Variants in COL8A1 observed in about 807,000 individuals in gnomAD.
COL8A1 encodes the protein collagen type VIII alpha 1 chain.
A neutral mutation model predicts 42.7 loss-of-function variants in COL8A1; 21 were observed. That is an observed-to-expected ratio of 0.49 (90% CI 0.35 to 0.71). COL8A1 has a LOEUF of 0.71. COL8A1 is among the 30% of genes least tolerant of loss of function. The pLI is 0.01. For missense variants in COL8A1, 788 were observed against 962.4 expected (o/e 0.82, Z 2.40); for synonymous variants, 367 against 369.1 (o/e 0.99, Z 0.06).
At chr3:99,717,272 A>G (rs1940025305) in intron 1 of COL8A1, among the ~76,000 whole-genome samples, 1 of 152,052 alleles carries the variant, frequency 6.6e-6, no homozygotes. Flanking sequence ...TCATTATATC[A>G]TCAGCAACAC....
chr3:99,639,166 C>T (rs1359353700), intron 1 of COL8A1, among the ~76,000 whole-genome samples: 2 of 152,054 alleles, frequency 1.3e-5, no homozygotes, highest in African/African-American at 2.4e-5. Context: ...CAGGTTTTAG[C>T]GCTTGGAAAA....
At chr3:99,742,960 G>A (rs188447558) in intron 1 of COL8A1, among the ~76,000 whole-genome samples, 1 of 152,292 alleles carries the variant, frequency 6.6e-6, no homozygotes, top group East Asian at 1.9e-4. Flanking sequence ...TGAGGGAAGA[G>A]TGGAATCTAA....
intron 1 of COL8A1, among the ~76,000 whole-genome samples, chr3:99,694,924 T>G (rs1559781264): frequency 6.6e-6 from 1 of 152,204 alleles, no homozygotes; most frequent in Non-Finnish European, 1.5e-5. Flanking sequence ...AAAGCTGCAG[T>G]AAACTCTTAT....
chr3:99,733,290 C>G (rs1576453707), intron 1 of COL8A1, among the ~76,000 whole-genome samples: 1 of 137,606 alleles, frequency 7.3e-6, no homozygotes, highest in East Asian at 2.4e-4. Context: ...CAATGCTATC[C>G]CTCCCCCCTC....
chr3:99,779,096 T>C (rs1941746355), intron 2 of COL8A1, among the ~76,000 whole-genome samples: 1 of 152,228 alleles, frequency 6.6e-6, no homozygotes, highest in Admixed American at 6.5e-5. Context: ...CAAATGCCTA[T>C]GGCTAAATAT....
At chr3:99,780,011 A>C (rs1213062536) in intron 2 of COL8A1, among the ~76,000 whole-genome samples, 1 of 152,218 alleles carries the variant, frequency 6.6e-6, no homozygotes, top group Non-Finnish European at 1.5e-5. Flanking sequence ...ATGAGACTGC[A>C]GTGAAGCAAA....
At chr3:99,691,186 G>A (rs2107334522) in intron 1 of COL8A1, among the ~76,000 whole-genome samples, 1 of 152,298 alleles carries the variant, frequency 6.6e-6, no homozygotes, top group East Asian at 1.9e-4. Context: ...AAGTGAATGA[G>A]ATAATGTGGC....
intron 1 of COL8A1, among the ~76,000 whole-genome samples, chr3:99,658,341 T>G: frequency 6.6e-6 from 1 of 152,144 alleles, no homozygotes. Flanking sequence ...TTACAATGTT[T>G]TGTTCTCTCC....
intron 1 of COL8A1, among the ~76,000 whole-genome samples, chr3:99,659,226 C>A (rs773937062): frequency 3.0e-4 from 45 of 152,194 alleles, no homozygotes; most frequent in Admixed American, 5.9e-4. Context: ...TAACGCCTAG[C>A]TGGCTCGTGG....
At chr3:99,648,607 AAGTT>A (rs1250935048) in intron 1 of COL8A1, among the ~76,000 whole-genome samples, 2 of 152,300 alleles carry the variant, frequency 1.3e-5, no homozygotes, top group East Asian at 3.9e-4. Context: ...TAAGGGCTAA[AAGTT>A]AGTCCATAAA....
chr3:99,668,195 C>T (rs1417201887), intron 1 of COL8A1, among the ~76,000 whole-genome samples: 1 of 151,994 alleles, frequency 6.6e-6, no homozygotes. Context: ...CTGGCTAAAA[C>T]AAAACAAATG....
At chr3:99,667,563 C>T (rs749476051) in intron 1 of COL8A1, among the ~76,000 whole-genome samples, 15 of 152,188 alleles carry the variant, frequency 9.9e-5, no homozygotes, top group African/African-American at 1.7e-4. Context: ...TCTATTCTAA[C>T]GTATTGTCAG....
At chr3:99,657,741 A>G (rs1938067928) in intron 1 of COL8A1, among the ~76,000 whole-genome samples, 1 of 151,856 alleles carries the variant, frequency 6.6e-6, no homozygotes. Flanking sequence ...CATGCCTCCT[A>G]CCCTCTGGAG....
chr3:99,703,525 C>CATTCT (rs757314617), intron 1 of COL8A1: 8 of 152,202 alleles, frequency 5.3e-5, no homozygotes, highest in Non-Finnish European at 1.2e-4. Flanking sequence ...CATTTTTCCT[C>CATTCT]ATTCTATTGT....
At chr3:99,768,524 A>ATGAGGGTCAGAGACAGCACTGAAGCT (rs1941514545) in intron 2 of COL8A1, among the ~76,000 whole-genome samples, 1 of 152,250 alleles carries the variant, frequency 6.6e-6, no homozygotes, top group Non-Finnish European at 1.5e-5. Flanking sequence ...CACATAGACC[A>ATGAGGGTCAGAGACAGCACTGAAGCT]TGAGGGTCAG....
intron 1 of COL8A1, among the ~76,000 whole-genome samples, chr3:99,713,058 C>T (rs1301269944): frequency 6.6e-6 from 1 of 152,080 alleles, no homozygotes; most frequent in Non-Finnish European, 1.5e-5. Flanking sequence ...ATAATAGTAG[C>T]TAATATTCAT....
Position 99,796,863 on chromosome 3 carries a change from A to G in COL8A1, c.*727A>G, listed in dbSNP as rs1449015509. 6.6e-6 allele frequency: 1 copy of G among 152,236 alleles called. No homozygotes were observed. The highest frequency in any genetic ancestry group is 1.9e-4 in the East Asian group (1 of 5,200). The allele number at this position is 152,236 out of a possible 1,614,324, so 9.4% of individuals were successfully genotyped here. ...AAGGCACTTTTGTGGAGCATTAGAC[A>G]GTAACCCTCAAGGAGCTAGAGAACC... On this transcript the variant is annotated 3_prime_UTR_variant, in exon 4 of 4. Transcript: ENST00000652472.
intron 1 of COL8A1, among the ~76,000 whole-genome samples, chr3:99,656,776 A>G (rs961264953): frequency 6.6e-6 from 1 of 152,238 alleles, no homozygotes; most frequent in East Asian, 1.9e-4. Flanking sequence ...TCCTGCATAA[A>G]AAACTAGTAG....
chr3:99,642,802 T>A (rs1388528834), intron 1 of COL8A1, among the ~76,000 whole-genome samples: 3 of 152,222 alleles, frequency 2.0e-5, no homozygotes. Flanking sequence ...TTCTCTTAAA[T>A]AGGATATAAA....
Sources: gnomAD v4.1 joint callset for allele counts (sites outside exome capture counted in the v4.1 genomes callset) on GRCh38, gnomAD v4.1.1 for gene constraint, MANE v1.5 for transcripts, NCBI Gene and HGNC (gene_info 2026-07-23, HGNC 2026-07-21) for gene names.